Variants in PTPRN2 observed in about 807,000 individuals in gnomAD.
PTPRN2 encodes the protein receptor-type tyrosine-protein phosphatase N2.
In PTPRN2, 74 loss-of-function variants were observed where a neutral mutation model predicts 118.8. The observed-to-expected ratio is 0.62, with a 90% CI of 0.52 to 0.76. The LOEUF is 0.76. PTPRN2 is among the 30% of genes least tolerant of loss of function. The pLI, the probability that PTPRN2 is intolerant of heterozygous loss-of-function variation, is 0.00. For missense variants in PTPRN2, 1,481 were observed against 1,394.4 expected (o/e 1.06, Z -0.99); for synonymous variants, 641 against 608.0 (o/e 1.05, Z -0.80).
intron 3 of PTPRN2, among the ~76,000 whole-genome samples, chr7:158,253,231 T>C (rs1332390502): frequency 1.3e-5 from 2 of 152,282 alleles, no homozygotes; most frequent in African/African-American, 2.4e-5. Context: ...TGAGCCTGGA[T>C]GTGCATAACT....
At chr7:158,401,272 T>G (rs1812928591) in intron 2 of PTPRN2, among the ~76,000 whole-genome samples, 1 of 152,238 alleles carries the variant, frequency 6.6e-6, no homozygotes, top group Non-Finnish European at 1.5e-5. Context: ...TCCCCTCGTT[T>G]GTTATTTTTA....
intron 20 of PTPRN2, 22 bp from the exon 21 acceptor site, chr7:157,568,988 T>C: frequency 6.5e-7 from 1 of 1,538,858 alleles, no homozygotes; most frequent in Non-Finnish European, 9.0e-7. Flanking sequence ...AGGAGAGAAA[T>C]GAAAGTGCTG....
At position 157,893,607 on chromosome 7, in the gene PTPRN2, G is replaced by T. The variant is rs569852096; in HGVS notation, c.1788+5066C>A. Among the ~76,000 whole-genome samples, 1 of 152,184 alleles carries T rather than the reference G, an allele frequency of 6.6e-6. No homozygotes were observed. Among genetic ancestry groups the T allele is most frequent in the Non-Finnish European group, 1.5e-5 (1 of 68,036 alleles). On this transcript the variant is annotated intron_variant, in intron 12 of 22. Transcript: ENST00000389418. The surrounding 1 kb of genome is among the most constrained non-coding windows in gnomAD (Gnocchi z 4.0). ...AAACCTGACGGGAGAAACAGGCTGC[G>T]GCAGGAAGATCAAGAGCCCTGCGTG...
chr7:157,958,014 G>A (rs28788559), intron 11 of PTPRN2, among the ~76,000 whole-genome samples: 37,644 of 151,906 alleles, frequency 0.25, 4,988 homozygotes, highest in Middle Eastern at 0.31. Context: ...GACAAAATTC[G>A]GAAGTTCAGA....
intron 11 of PTPRN2, among the ~76,000 whole-genome samples, chr7:158,064,004 C>T (rs920570219): frequency 2.0e-5 from 3 of 152,194 alleles, no homozygotes; most frequent in African/African-American, 7.2e-5. Flanking sequence ...CAGTGAGACA[C>T]GGGCTCATAC....
chr7:158,150,659 T>C (rs1240741284), intron 6 of PTPRN2, among the ~76,000 whole-genome samples: 1 of 152,034 alleles, frequency 6.6e-6, no homozygotes, highest in Non-Finnish European at 1.5e-5. Context: ...CTTGTGAACA[T>C]AACCCAGGGG....
At chr7:158,344,693 G>C (rs926549926) in intron 2 of PTPRN2, among the ~76,000 whole-genome samples, 2 of 151,916 alleles carry the variant, frequency 1.3e-5, no homozygotes, top group Non-Finnish European at 2.9e-5. Context: ...GGAGGTGGTC[G>C]CTCTCCCCAA....
chr7:158,333,291 A>C (rs1361897658), intron 2 of PTPRN2, among the ~76,000 whole-genome samples: 1 of 134,732 alleles, frequency 7.4e-6, no homozygotes, highest in Non-Finnish European at 1.6e-5. Context: ...CTCTCACCAT[A>C]AGAGGTGACA....
chr7:158,086,148 C>A (rs983734641), intron 10 of PTPRN2, among the ~76,000 whole-genome samples: 1 of 152,186 alleles, frequency 6.6e-6, no homozygotes, highest in Non-Finnish European at 1.5e-5. Context: ...TAATTACAGA[C>A]CTGCTTAGAA....
At chr7:157,552,872 C>T (rs993427913) in intron 21 of PTPRN2, among the ~76,000 whole-genome samples, 5 of 152,164 alleles carry the variant, frequency 3.3e-5, no homozygotes, top group South Asian at 4.1e-4. Flanking sequence ...GCTTTCCTCC[C>T]GTTTCCAGGG....
At chr7:158,209,650 A>G (rs141277418) in intron 3 of PTPRN2, among the ~76,000 whole-genome samples, 173 of 152,336 alleles carry the variant, frequency 1.1e-3, no homozygotes, top group African/African-American at 4.0e-3. Context: ...TGAGACAGAA[A>G]TTCAACGAAG....
chr7:158,081,163 G>A (rs1368134974), intron 11 of PTPRN2, 135 bp downstream of exon 11: 9 of 864,654 alleles, frequency 1.0e-5, no homozygotes, highest in Non-Finnish European at 1.3e-5. Flanking sequence ...CACGGAAACC[G>A]AGACCTTCCT....
intron 12 of PTPRN2, among the ~76,000 whole-genome samples, chr7:157,786,065 G>T (rs542525549): frequency 6.6e-6 from 1 of 152,136 alleles, no homozygotes; most frequent in Non-Finnish European, 1.5e-5. Flanking sequence ...GGGCACGAGC[G>T]TTAGCCGCAC....
At position 157,887,770 on chromosome 7, in the gene PTPRN2, A is replaced by T. The variant is rs117228428; in HGVS notation, c.1788+10903T>A. On this transcript the variant is annotated intron_variant, in intron 12 of 22. Coordinates refer to ENST00000389418, the MANE Select transcript of PTPRN2 (RefSeq NM_002847.5). ...CTCCCCCAGTGCCTGCTCCCCCAGT[A>T]CCTGCTCCCCCAGTACTCGCTTCCC... Among the ~76,000 whole-genome samples the T allele has an allele frequency of 7.6e-3, 211 of 27,594 alleles. 27 individuals are homozygous for T. In the East Asian group the frequency reaches 0.2, roughly 26 times the overall value. The allele number at this position is 27,594 out of a possible 152,430, so 18.1% of individuals were successfully genotyped here. A position where few individuals can be genotyped will look rare whatever the true frequency, so the allele number is the denominator to read the frequency against.
rs879193803 is a variant in PTPRN2 at position 157,621,034 on chromosome 7, T to C, written c.2344+328A>G. On this transcript the variant is annotated intron_variant, in intron 15 of 22. Transcript: ENST00000389418. ...GCCTCCTGCCCCCGGGACTGGTATG[T>C]ACAGGTCAGCATGGCCAGTTTCCCC... 7.3e-3 allele frequency among the ~76,000 whole-genome samples: 686 copies of C among 94,574 alleles called. 14 individuals are homozygous for C. The highest frequency in any genetic ancestry group is 0.028 in the African/African-American group (651 of 23,116). The allele number at this position is 94,574 out of a possible 152,430, so 62.0% of individuals were successfully genotyped here.
Position 157,621,470 on chromosome 7 carries a change from C to T in PTPRN2, c.2236G>A (p.Glu746Lys). 6.2e-7 allele frequency: 1 copy of T among 1,613,920 alleles called. No individual in the cohort carries two copies. Among genetic ancestry groups the T allele is most frequent in the Non-Finnish European group, 8.5e-7 (1 of 1,180,034 alleles). The change falls in exon 15 of 23, where the codon GAG (glutamate) becomes AAG (lysine). Residue 746 changes from glutamate to lysine, a missense_variant. Physicochemically the swap from Glu to Lys is moderately conservative, Grantham distance 56 (BLOSUM62 1). Coordinates refer to ENST00000389418, the MANE Select transcript of PTPRN2 (RefSeq NM_002847.5). ...GCGCACAGCGCTTCCCACTCCTTCT[C>T]CAGCCGGTTCTTGTTCTTCAGGTGG... ...EDHLKNKNRL[E>K]KEWEALCAYQ...
At chr7:157,982,254 C>T (rs1803285213) in intron 11 of PTPRN2, among the ~76,000 whole-genome samples, 2 of 126,878 alleles carry the variant, frequency 1.6e-5, no homozygotes, top group African/African-American at 6.4e-5. Flanking sequence ...TCCCCCCAAA[C>T]CCCGAGTCAT....
chr7:157,853,959 G>A (rs1584873200), intron 12 of PTPRN2, among the ~76,000 whole-genome samples: 1 of 152,192 alleles, frequency 6.6e-6, no homozygotes, highest in Non-Finnish European at 1.5e-5. Context: ...GCGTGAAGAC[G>A]GAGACGGCAC....
intron 12 of PTPRN2, among the ~76,000 whole-genome samples, chr7:157,879,836 T>TAAAAAA (rs11459962): frequency 8.3e-6 from 1 of 119,784 alleles, no homozygotes; most frequent in Non-Finnish European, 1.8e-5. Context: ...ACGTCTTTGT[T>TAAAAAA]AAAAAAAAAA....
Sources: allele counts gnomAD v4.1 joint callset (sites outside exome capture counted in the v4.1 genomes callset), GRCh38; gene constraint gnomAD v4.1.1; non-coding constraint Gnocchi (gnomAD v3.1); transcripts MANE v1.5; gene names NCBI Gene and HGNC (gene_info 2026-07-23, HGNC 2026-07-21).